NBEA: variants seen among roughly 807,000 people sequenced by gnomAD.
The protein encoded by NBEA is lysosomal-trafficking regulator 2.
Under a neutral mutation model 343.4 loss-of-function variants are expected in NBEA, and 44 were observed. The ratio of observed to expected loss-of-function variants is 0.13; its 90% CI spans 0.10 to 0.16. The LOEUF (loss-of-function observed/expected upper bound fraction) is 0.16, where lower values mean the gene tolerates loss of function less well. Among genes scored for constraint, NBEA ranks in the 10% least tolerant of loss-of-function variants. NBEA has a pLI of 1.00. For missense variants in NBEA, 2,555 were observed against 3,631.3 expected, an observed-to-expected ratio of 0.70 and a Z score of 7.62; for synonymous variants, 1,175 against 1,238.7, an observed-to-expected ratio of 0.95 and a Z score of 1.08.
chr13:35,411,843 GACAAT>G (rs1429313711), intron 38 of NBEA, among the ~76,000 whole-genome samples: 4 of 151,932 alleles, frequency 2.6e-5, no homozygotes, highest in Admixed American at 6.6e-5. Context: ...AAAGAAGGGG[GACAAT>G]ACAAGTTTTT....
chr13:35,215,398 G>T (rs1325605840), intron 33 of NBEA, among the ~76,000 whole-genome samples: 3 of 151,324 alleles, frequency 2.0e-5, no homozygotes, highest in African/African-American at 7.3e-5. Context: ...TGTGTTTGAT[G>T]ATATTATATT....
chr13:35,301,813 G>T (rs2036569197), intron 35 of NBEA, among the ~76,000 whole-genome samples: 1 of 152,092 alleles, frequency 6.6e-6, no homozygotes, highest in Non-Finnish European at 1.5e-5. Flanking sequence ...CAGTGTAAAA[G>T]CGTTCCTATT....
Position 35,092,282 on chromosome 13 carries a change from C to T in NBEA, c.1572-6015C>T, listed in dbSNP as rs575274313. ...GAAACTCTAAAACTTTTATGGGAAA[C>T]GTATAAGGAAATTTATGGGACTTAG... On this transcript the variant is annotated intron_variant, in intron 10 of 58. Transcript: ENST00000379939. Among the ~76,000 whole-genome samples, 9 of 151,888 alleles carry T rather than the reference C, an allele frequency of 5.9e-5. 1 individual carries two copies. The highest frequency in any genetic ancestry group is 1.9e-4 in the African/African-American group (8 of 41,460).
At chr13:35,002,797 A>AT (rs2061187272) in intron 1 of NBEA, among the ~76,000 whole-genome samples, 3 of 152,094 alleles carry the variant, frequency 2.0e-5, no homozygotes, top group African/African-American at 7.2e-5. Context: ...CTTGGAGTGC[A>AT]TTTTTTGCAT....
chr13:35,662,616 C>T (rs922960480), intron 55 of NBEA, among the ~76,000 whole-genome samples: 1 of 152,098 alleles, frequency 6.6e-6, no homozygotes, highest in Admixed American at 6.5e-5. Context: ...AAAAATACCC[C>T]CTAATAGTTA....
At chr13:35,301,833 C>A (rs2036570074) in intron 35 of NBEA, among the ~76,000 whole-genome samples, 1 of 152,148 alleles carries the variant, frequency 6.6e-6, no homozygotes, top group African/African-American at 2.4e-5. Context: ...TGCTCTGCAT[C>A]CTCGCCAGCA....
chr13:35,307,283 C>T (rs1227295789), intron 35 of NBEA, among the ~76,000 whole-genome samples: 1 of 151,920 alleles, frequency 6.6e-6, no homozygotes, highest in African/African-American at 2.4e-5. Flanking sequence ...CCTACAATTT[C>T]CTCTGGCTCA....
chr13:35,530,455 T>TA (rs1566274335), intron 41 of NBEA, among the ~76,000 whole-genome samples: 1 of 152,042 alleles, frequency 6.6e-6, no homozygotes, highest in African/African-American at 2.4e-5. Flanking sequence ...AATAAATAAA[T>TA]AAAAAGTCTG....
intron 41 of NBEA, chr13:35,475,623 C>G (rs960289192): frequency 6.2e-7 from 1 of 1,613,764 alleles, no homozygotes; most frequent in Admixed American, 1.7e-5. Context: ...ATTTAAAGGC[C>G]GGCGTGATCT....
intron 1 of NBEA, among the ~76,000 whole-genome samples, chr13:35,035,017 A>C (rs1212076275): frequency 6.6e-6 from 1 of 151,516 alleles, no homozygotes; most frequent in Non-Finnish European, 1.5e-5. Context: ...TTTCAGTTTT[A>C]TTTATTTCTG....
At chr13:35,518,658 G>A (rs1419255796) in intron 41 of NBEA, among the ~76,000 whole-genome samples, 1 of 152,180 alleles carries the variant, frequency 6.6e-6, no homozygotes, top group Non-Finnish European at 1.5e-5. Flanking sequence ...ACCCCCTGCA[G>A]TTTTATAAAA....
intron 40 of NBEA, among the ~76,000 whole-genome samples, chr13:35,467,339 GTA>G (rs2075427602): frequency 6.6e-6 from 1 of 152,080 alleles, no homozygotes; most frequent in Non-Finnish European, 1.5e-5. Flanking sequence ...GGGCATGGTG[GTA>G]TGCACCTGTA....
At chr13:35,619,189 G>A (rs560416358) in intron 48 of NBEA, among the ~76,000 whole-genome samples, 5 of 151,998 alleles carry the variant, frequency 3.3e-5, no homozygotes, top group African/African-American at 1.2e-4. Context: ...GAAGTCTTAT[G>A]TAGGAATTCA....
intron 2 of NBEA, 38 bp downstream of exon 2, chr13:35,041,202 T>A (rs750100568): frequency 6.7e-7 from 1 of 1,492,090 alleles, no homozygotes; most frequent in East Asian, 2.3e-5. Context: ...AACTTAAATG[T>A]TTATAAAGTT....
At chr13:35,317,466 A>G (rs1463848119) in intron 36 of NBEA, among the ~76,000 whole-genome samples, 1 of 151,906 alleles carries the variant, frequency 6.6e-6, no homozygotes, top group Non-Finnish European at 1.5e-5. Context: ...TGGTCCATAT[A>G]TCTGTTTTGG....
At chr13:35,413,675 TATTA>T (rs2043724557) in intron 38 of NBEA, among the ~76,000 whole-genome samples, 1 of 152,174 alleles carries the variant, frequency 6.6e-6, no homozygotes, top group Non-Finnish European at 1.5e-5. Context: ...TCAATAGTAA[TATTA>T]ATTATCATAA....
intron 35 of NBEA, among the ~76,000 whole-genome samples, chr13:35,297,711 G>A (rs556618826): frequency 3.3e-5 from 5 of 151,764 alleles, no homozygotes; most frequent in South Asian, 2.1e-4. Flanking sequence ...TTACCACTAT[G>A]TCTTCCACTC....
intron 1 of NBEA, among the ~76,000 whole-genome samples, chr13:34,952,726 GA>G (rs1343972269): frequency 7.9e-5 from 12 of 152,146 alleles, no homozygotes; most frequent in African/African-American, 2.9e-4. Context: ...AATTTTATGG[GA>G]GTAAAAATAT....
chr13:35,021,049 C>G (rs2061821482), intron 1 of NBEA, among the ~76,000 whole-genome samples: 1 of 151,932 alleles, frequency 6.6e-6, no homozygotes, highest in African/African-American at 2.4e-5. Flanking sequence ...GAGAAGCATC[C>G]CTTCTTCCGG....
Sources: gnomAD v4.1 joint callset for allele counts (sites outside exome capture counted in the v4.1 genomes callset) on GRCh38, gnomAD v4.1.1 for gene constraint, MANE v1.5 for transcripts, NCBI Gene and HGNC (gene_info 2026-07-23, HGNC 2026-07-21) for gene names.